Variants in BCCIP observed in about 807,000 individuals in gnomAD.
The protein encoded by BCCIP is BRCA2 and CDKN1A interacting protein.
In BCCIP, 23 loss-of-function variants were observed where a neutral mutation model predicts 32.8. That is an observed-to-expected ratio of 0.70 (90% CI 0.51 to 0.99). The LOEUF (loss-of-function observed/expected upper bound fraction) is 0.99. Among genes scored for constraint, BCCIP ranks in the 50% least tolerant of loss-of-function variants. BCCIP has a pLI of 0.00. For missense variants in BCCIP, 378 were observed against 379.8 expected (o/e 1.00, Z 0.04); for synonymous variants, 144 against 137.6 (o/e 1.05, Z -0.33).
intron 6 of BCCIP, 91 bp from the exon 7 acceptor site, chr10:125,836,013 A>C: frequency 8.5e-7 from 1 of 1,179,190 alleles, no homozygotes; most frequent in Non-Finnish European, 1.2e-6. Context: ...ATTTAAGCAT[A>C]TGCCAAACGT....
At chr10:125,849,411 T>C (rs1273233668) in intron 7 of BCCIP, among the ~76,000 whole-genome samples, 1 of 152,216 alleles carries the variant, frequency 6.6e-6, no homozygotes, top group Admixed American at 6.5e-5. Context: ...TTATTTACTT[T>C]ATTGTTTCCA....
chr10:125,843,252 C>T (rs759688887), downstream of BCCIP, among the ~76,000 whole-genome samples: 3 of 152,078 alleles, frequency 2.0e-5, no homozygotes, highest in Non-Finnish European at 2.9e-5. Flanking sequence ...AACCTGTCTG[C>T]TCCTGGGAGT....
downstream of BCCIP, chr10:125,836,833 A>G (rs1854704745): frequency 6.2e-7 from 1 of 1,614,064 alleles, no homozygotes; most frequent in Non-Finnish European, 8.5e-7. Flanking sequence ...CTGAAATAGT[A>G]TTGTGGTACC....
At chr10:125,851,937 A>G (rs556476668) in intron 7 of BCCIP, among the ~76,000 whole-genome samples, 261 of 151,344 alleles carry the variant, frequency 1.7e-3, no homozygotes, top group African/African-American at 5.2e-3. Context: ...AAAAAAAAAA[A>G]AAAAGAAAAG....
Position 125,833,789 on chromosome 10 carries a change from C to T in BCCIP, c.617C>T (p.Ala206Val). The T allele has an allele frequency of 6.2e-7, 1 of 1,614,034 alleles. No individual in the cohort carries two copies. Among genetic ancestry groups the T allele is most frequent in the Non-Finnish European group, 8.5e-7 (1 of 1,180,004 alleles). Residue 206 changes from alanine (A) to valine (V), a missense_variant, in exon 6 of 7, where the codon GCA (alanine) becomes GTA (valine). Ala to Val is a moderately conservative substitution (Grantham distance 64). Transcript: ENST00000278100. Reference protein sequence around the residue: ...YQQLQKELAGAHRTNKPCGKC... With the variant: ...YQQLQKELAGVHRTNKPCGKC... ...CCTTGCAGGAAAGAACTGGCGGGGG[C>T]ACACAGAACCAATAAGCCATGTGGG...
downstream of BCCIP, chr10:125,836,759 C>A (rs1357198132): frequency 6.2e-7 from 1 of 1,614,120 alleles, no homozygotes; most frequent in Non-Finnish European, 8.5e-7. Flanking sequence ...TCATTGTTGA[C>A]ACAGGGGATA....
At chr10:125,838,137 AT>A (rs1854755715), downstream of BCCIP, 6 of 1,444,592 alleles carry the variant, frequency 4.2e-6, no homozygotes, top group Non-Finnish European at 5.5e-6. Flanking sequence ...TAAAAGCCAA[AT>A]TTGTCATTTA....
Position 125,848,795 on chromosome 10 carries a change from ACTATACAC to A in BCCIP, c.851-4328_851-4321del, listed in dbSNP as rs900498907. On this transcript the variant is annotated intron_variant, in intron 7 of 7. Coordinates refer to the BCCIP transcript ENST00000368759. ...AGACGATGACTGTGCTATAGCATTTACTATACACCAGTCACTTTTCTAAGGGGCATGCA... is the reference window on the plus strand; with the variant it reads ...AGACGATGACTGTGCTATAGCATTTACAGTCACTTTTCTAAGGGGCATGCA... Among the ~76,000 whole-genome samples, 35 of 152,206 alleles carry A rather than the reference ACTATACAC, an allele frequency of 2.3e-4. 1 individual carries two copies. Among genetic ancestry groups the A allele is most frequent in the Admixed American group, 6.5e-4 (10 of 15,280 alleles).
downstream of BCCIP, among the ~76,000 whole-genome samples, chr10:125,840,427 C>A (rs1318011994): frequency 4.6e-5 from 7 of 152,276 alleles, no homozygotes; most frequent in Non-Finnish European, 5.9e-5. Flanking sequence ...ATCTGGAGCT[C>A]TGCAGCCTCT....
chr10:125,843,566 G>A (rs566615296), downstream of BCCIP, among the ~76,000 whole-genome samples: 21 of 151,954 alleles, frequency 1.4e-4, no homozygotes, highest in South Asian at 4.2e-3. Flanking sequence ...GAGCCGAGAT[G>A]GCACCACTGC....
chr10:125,829,821 C>T (rs1009991252), intron 3 of BCCIP, among the ~76,000 whole-genome samples: 3 of 152,184 alleles, frequency 2.0e-5, no homozygotes, highest in African/African-American at 7.2e-5. Context: ...AGGTTATTAT[C>T]TAATGGCAGG....
rs374441613 is a variant in BCCIP, at chr10:125,847,847, T to C, written c.851-5278T>C. ...CAGCCTAGATCCCTGGCATGTGCAG[T>C]TCATAATAGGGTTCGAGCTCCTACG... is the stretch of plus-strand genomic sequence containing the variant. On this transcript the variant is annotated intron_variant, in intron 7 of 7. Coordinates refer to the BCCIP transcript ENST00000368759. 6.8e-4 allele frequency among the ~76,000 whole-genome samples: 103 copies of C among 151,982 alleles called. No individual in the cohort carries two copies. The South Asian group carries it at 0.02, about 30-fold the overall frequency.
downstream of BCCIP, among the ~76,000 whole-genome samples, chr10:125,844,443 A>G (rs1186660352): frequency 6.6e-6 from 1 of 152,242 alleles, no homozygotes. Context: ...TTGGCCGCAC[A>G]CAGGGTTAGT....
chr10:125,831,784 C>T, intron 5 of BCCIP, 177 bp downstream of exon 5: 1 of 481,984 alleles, frequency 2.1e-6, no homozygotes. Flanking sequence ...TAACAACTGG[C>T]TTTTTGAAGA....
In BCCIP at chr10:125,850,134, T is replaced by TA. The variant is rs371549545; in HGVS notation, c.851-2971dup. On this transcript the variant is annotated intron_variant, in intron 7 of 7. Coordinates refer to the BCCIP transcript ENST00000368759. ...GCGTATGCCACCACACCTGGCTCAT[T>TA]AAAAAAAAAAAAAAAAAAAATTTGT... Among the ~76,000 whole-genome samples, 280 of 133,550 alleles carry TA rather than the reference T, an allele frequency of 2.1e-3. 1 individual carries two copies. Among genetic ancestry groups the TA allele is most frequent in the East Asian group, 8.2e-3 (38 of 4,634 alleles). 87.6% of individuals were successfully genotyped at this position (133,550 alleles called of 152,430 possible).
At chr10:125,841,227 G>C (rs1245838778), downstream of BCCIP, 3 of 1,600,980 alleles carry the variant, frequency 1.9e-6, no homozygotes, top group East Asian at 2.2e-5. Context: ...AACTGAATAT[G>C]GTTAATATCC....
chr10:125,852,356 C>G lies in BCCIP; in HGVS notation c.851-769C>G, dbSNP rs17153669. The stretch of plus-strand genomic sequence containing the variant: ...ATGTCTATCCTCTTCATAAAAAGCA[C>G]CATGCTTGTTAGGTTGGCTTCCTGC... On this transcript the variant is annotated intron_variant, in intron 7 of 7. Transcript: ENST00000368759. 1.5e-4 allele frequency: 239 copies of G among 1,614,078 alleles called. No homozygotes were observed. The highest frequency in any genetic ancestry group is 2.0e-4 in the Non-Finnish European group (234 of 1,180,040).
At chr10:125,847,928 G>A (rs922531870) in intron 7 of BCCIP, among the ~76,000 whole-genome samples, 6 of 152,154 alleles carry the variant, frequency 3.9e-5, no homozygotes, top group African/African-American at 1.2e-4. Flanking sequence ...AGTAATGCTC[G>A]CTTGCCCCCC....
chr10:125,844,717 G>GT (rs1943990314), downstream of BCCIP, among the ~76,000 whole-genome samples: 3 of 152,340 alleles, frequency 2.0e-5, no homozygotes, highest in African/African-American at 7.2e-5. Context: ...ATAATCCATA[G>GT]TAAGTAACGC....
Sources: gnomAD v4.1 joint callset for allele counts (sites outside exome capture counted in the v4.1 genomes callset) on GRCh38, gnomAD v4.1.1 for gene constraint, MANE v1.5 for transcripts, NCBI Gene and HGNC (gene_info 2026-07-23, HGNC 2026-07-21) for gene names.